ANKRD44: variants seen among roughly 807,000 people sequenced by gnomAD.
ANKRD44 encodes ankyrin repeat domain 44, also known as serine/threonine-protein phosphatase 6 regulatory ankyrin repeat subunit B.
In ANKRD44, 35 loss-of-function variants were observed where a neutral mutation model predicts 116.0. The observed-to-expected ratio is 0.30, with a 90% CI of 0.23 to 0.40. The LOEUF (loss-of-function observed/expected upper bound fraction) is 0.40, where lower values mean the gene tolerates loss of function less well. ANKRD44 is among the 10% of genes least tolerant of loss of function. The pLI is 1.00. For synonymous variants in ANKRD44, 435 were observed against 461.8 expected (o/e 0.94, Z 0.74); for missense variants, 1,014 against 1,242.6 (o/e 0.82, Z 2.77).
intron 1 of ANKRD44, among the ~76,000 whole-genome samples, chr2:197,286,037 T>C (rs942107116): frequency 1.3e-5 from 2 of 152,186 alleles, no homozygotes; most frequent in African/African-American, 2.4e-5. Context: ...AGAGACAAGC[T>C]GGCCAATTTG....
intron 1 of ANKRD44, among the ~76,000 whole-genome samples, chr2:197,288,132 G>A (rs1402275968): frequency 1.3e-5 from 2 of 152,030 alleles, no homozygotes; most frequent in Admixed American, 6.5e-5. Flanking sequence ...GGAGGATCTG[G>A]GTCTTTAGAT....
intron 1 of ANKRD44, among the ~76,000 whole-genome samples, chr2:197,237,045 C>A (rs757919961): frequency 6.6e-6 from 1 of 152,178 alleles, no homozygotes. Context: ...TGGTGTAGAA[C>A]GGAGCTGATG....
chr2:197,177,711 C>G (rs1468773341), intron 2 of ANKRD44, among the ~76,000 whole-genome samples: 2 of 151,864 alleles, frequency 1.3e-5, no homozygotes, highest in Admixed American at 6.6e-5. Context: ...GCAAAAATCC[C>G]ACCACCAAGA....
At chr2:197,007,574 C>T (rs543460984) in intron 20 of ANKRD44, among the ~76,000 whole-genome samples, 1 of 152,210 alleles carries the variant, frequency 6.6e-6, no homozygotes, top group Admixed American at 6.5e-5. Flanking sequence ...TCTATTATCA[C>T]AATCTAACAT....
At chr2:197,251,081 T>C (rs972178640) in intron 1 of ANKRD44, 3 of 152,228 alleles carry the variant, frequency 2.0e-5, no homozygotes, top group Non-Finnish European at 4.4e-5. Context: ...TTTTAAATGT[T>C]TTTTAAATTC....
intron 3 of ANKRD44, among the ~76,000 whole-genome samples, chr2:197,143,351 TC>T (rs1253421053): frequency 1.7e-5 from 1 of 59,730 alleles, no homozygotes; most frequent in African/African-American, 7.0e-5. Context: ...CCCTCCCCCC[TC>T]CCCCCACCCC....
intron 16 of ANKRD44, among the ~76,000 whole-genome samples, chr2:197,057,030 T>C (rs1396524598): frequency 6.6e-6 from 1 of 152,196 alleles, no homozygotes; most frequent in Non-Finnish European, 1.5e-5. Context: ...GGACTCTCAG[T>C]CCAATACTGA....
At chr2:197,008,851 G>T in intron 19 of ANKRD44, 93 bp downstream of exon 19, 2 of 1,132,588 alleles carry the variant, frequency 1.8e-6, no homozygotes, top group Non-Finnish European at 2.6e-6. Context: ...CAATTTCTCG[G>T]TTCCGCAGTC....
chr2:197,099,689 T>C, intron 10 of ANKRD44, 127 bp downstream of exon 10: 1 of 1,344,120 alleles, frequency 7.4e-7, no homozygotes, highest in South Asian at 2.3e-5. Context: ...ATTTAATTTG[T>C]ATTTAGTATA....
chr2:196,986,072 A>T (rs7587393), downstream of ANKRD44, among the ~76,000 whole-genome samples: 700 of 152,182 alleles, frequency 4.6e-3, 23 homozygotes, highest in Admixed American at 0.043. Context: ...GCTGCAAGGA[A>T]GCTGAGAGCA....
chr2:197,121,292 A>C (rs760345673), intron 8 of ANKRD44, 40 bp downstream of exon 8: 1 of 1,581,948 alleles, frequency 6.3e-7, no homozygotes. Flanking sequence ...ACAGAAGCTC[A>C]ATGCAAAGGC....
chr2:197,255,182 G>C (rs2082416286), intron 1 of ANKRD44, among the ~76,000 whole-genome samples: 1 of 152,240 alleles, frequency 6.6e-6, no homozygotes, highest in Admixed American at 6.5e-5. Context: ...AGGAAGGAAT[G>C]AAGAAGACAC....
At chr2:197,021,759 G>A (rs1016402853) in intron 17 of ANKRD44, among the ~76,000 whole-genome samples, 12 of 152,140 alleles carry the variant, frequency 7.9e-5, no homozygotes, top group South Asian at 2.1e-4. Flanking sequence ...TCTAACTGCC[G>A]TATAAAACAC....
chr2:197,230,344 C>T (rs1325429114), intron 1 of ANKRD44, among the ~76,000 whole-genome samples: 2 of 152,048 alleles, frequency 1.3e-5, no homozygotes, highest in Non-Finnish European at 2.9e-5. Flanking sequence ...TCATTTTCTG[C>T]TTGGGTTGTA....
chr2:197,284,299 C>T (rs2083344118), intron 1 of ANKRD44, among the ~76,000 whole-genome samples: 1 of 152,088 alleles, frequency 6.6e-6, no homozygotes, highest in Admixed American at 6.6e-5. Context: ...CGCTGCATTC[C>T]CTATCATCCC....
At chr2:197,307,944 T>C (rs1574488658) in intron 1 of ANKRD44, among the ~76,000 whole-genome samples, 1 of 152,028 alleles carries the variant, frequency 6.6e-6, no homozygotes, top group South Asian at 2.1e-4. Flanking sequence ...CTGAGGCAGG[T>C]GGACTGTTTG....
At chr2:197,151,520 A>G (rs1198194983) in intron 2 of ANKRD44, among the ~76,000 whole-genome samples, 1 of 152,278 alleles carries the variant, frequency 6.6e-6, no homozygotes, top group Non-Finnish European at 1.5e-5. Context: ...GATGCTAGAC[A>G]GCATCTAAAA....
intron 1 of ANKRD44, among the ~76,000 whole-genome samples, chr2:197,215,993 G>A (rs758744836): frequency 1.2e-4 from 18 of 152,182 alleles, no homozygotes; most frequent in Non-Finnish European, 2.5e-4. Context: ...CAGCTGTGAT[G>A]TAGAGGAAAG....
At chr2:197,133,339 T>G (rs1243507180) in intron 4 of ANKRD44, among the ~76,000 whole-genome samples, 2 of 152,206 alleles carry the variant, frequency 1.3e-5, no homozygotes. Flanking sequence ...CACTGTAGAC[T>G]CTGCTGACCT....
Sources: gnomAD v4.1 joint callset for allele counts (sites outside exome capture counted in the v4.1 genomes callset) on GRCh38, gnomAD v4.1.1 for gene constraint, MANE v1.5 for transcripts, NCBI Gene and HGNC (gene_info 2026-07-23, HGNC 2026-07-21) for gene names.